Variants in GCDH observed in about 807,000 individuals in gnomAD.
The protein encoded by GCDH is glutaryl-CoA dehydrogenase, also known as glutaryl-CoA dehydrogenase, mitochondrial.
In GCDH, 31 loss-of-function variants were observed where a neutral mutation model predicts 52.8. That is an observed-to-expected ratio of 0.59 (90% CI 0.44 to 0.79). GCDH has a LOEUF of 0.79. Ranked by LOEUF, GCDH falls within the 30% of genes least tolerant of loss-of-function variation. The pLI, the probability that GCDH is intolerant of heterozygous loss-of-function variation, is 0.00. For synonymous variants in GCDH, 242 were observed against 250.0 expected, an observed-to-expected ratio of 0.97 and a Z score of 0.30; for missense variants, 509 against 595.0, an observed-to-expected ratio of 0.86 and a Z score of 1.50.
rs2145951607 is a variant in GCDH at position 12,896,403 on chromosome 19, T to C, written c.834T>C (p.Pro278=). The C allele has an allele frequency of 6.2e-7, 1 of 1,613,594 alleles. No individual in the cohort carries two copies. The highest frequency in any genetic ancestry group is 8.5e-7 in the Non-Finnish European group (1 of 1,179,826). Residue 278 remains proline (P), a synonymous_variant, in exon 8 of 12, where the codon CCT becomes CCC. Coordinates refer to ENST00000222214, the MANE Select transcript of GCDH (RefSeq NM_000159.4). The surrounding 1 kb of genome is among the most constrained non-coding windows in gnomAD (Gnocchi z 5.5). ...GVEVPEENVL[P]GASSLGGPFG... ...AGGTGCCAGAGGAGAATGTGCTCCC[T>C]GGTGCATCCAGCCTGGGGGTAAGTG... is the stretch of plus-strand genomic sequence containing the variant.
rs148091111 is a variant in GCDH, at chr19:12,899,490, G to A, written c.1266G>A (p.Leu422=). Residue 422 remains leucine, a synonymous_variant, in exon 12 of 12, where the codon CTG becomes CTA. Coordinates refer to ENST00000222214, the MANE Select transcript of GCDH (RefSeq NM_000159.4). ...TYEGTHDIHA[L]ILGRAITGIQ... is the part of the protein sequence containing the mutation. The stretch of plus-strand genomic sequence containing the variant: ...CAGGTACACATGACATTCACGCCCT[G>A]ATCCTTGGGAGAGCTATCACGGGAA... The A allele has an allele frequency of 2.5e-6, 4 of 1,614,080 alleles. No homozygotes were observed. The highest frequency in any genetic ancestry group is 1.3e-5 in the African/African-American group (1 of 74,924).
Position 12,892,312 on chromosome 19 carries a change from A to C in GCDH, c.334+134A>C, listed in dbSNP as rs576436462. ...TTTCTTTCCTTTCTTCTTCCCCCCC[A>C]ACAGAGTCTGGCTCTGTTGCCCAGG... On this transcript the variant is annotated intron_variant, in intron 5 of 11. Coordinates refer to ENST00000222214, the MANE Select transcript of GCDH (RefSeq NM_000159.4). 1.8e-4 allele frequency: 151 copies of C among 827,786 alleles called. No homozygotes were observed. The highest frequency in any genetic ancestry group is 6.3e-4 in the Middle Eastern group (2 of 3,200). The allele number at this position is 827,786 out of a possible 1,614,324, so 51.3% of individuals were successfully genotyped here.
At chr19:12,893,069 T>C (rs1433053493) in intron 5 of GCDH, among the ~76,000 whole-genome samples, 2 of 151,688 alleles carry the variant, frequency 1.3e-5, no homozygotes, top group East Asian at 3.9e-4. Context: ...TATTTTTTAG[T>C]AGAAATGGGA....
At chr19:12,899,314 A>G in intron 11 of GCDH, 154 bp from the exon 12 acceptor site, 1 of 1,599,928 alleles carries the variant, frequency 6.3e-7, no homozygotes, top group Non-Finnish European at 8.6e-7. Flanking sequence ...GGAGACTGTC[A>G]CTAAGGCGTG....
rs770537412 is a variant in GCDH at position 12,891,912 on chromosome 19, C to A, written c.209C>A (p.Thr70Asn). 63 of 1,614,190 alleles carry A rather than the reference C, an allele frequency of 3.9e-5. 1 individual carries two copies. In the South Asian group the frequency reaches 5.3e-4, roughly 14 times the overall value. The stretch of plus-strand genomic sequence containing the variant: ...ACAGATGAGATCCTCATCAGGGACA[C>A]CTTCCGCACCTACTGCCAGGAGAGA... ...LTTDEILIRD[T>N]FRTYCQERLM... The change falls in exon 4 of 12, where the codon ACC becomes AAC. Residue 70 changes from threonine to asparagine, a missense_variant. Physicochemically the swap from Thr to Asn is moderately conservative, Grantham distance 65. Transcript: ENST00000222214.
intron 4 of GCDH, 22 bp downstream of exon 4, chr19:12,891,996 C>G (rs748135267): frequency 6.2e-7 from 1 of 1,614,238 alleles, no homozygotes; most frequent in Admixed American, 1.7e-5. Flanking sequence ...GGTGGGTGCC[C>G]TGAGACTGCT....
At position 12,899,828 on chromosome 19, in the gene GCDH, T is replaced by A; in HGVS notation, c.*287T>A. On this transcript the variant is annotated 3_prime_UTR_variant, in exon 12 of 12. Transcript: ENST00000222214. ...AGCTTCTCTTGAGAGGAGAGTGACATGGAAGCAACTCCGTCTGCTGCAGCT... is the reference window on the plus strand; with the variant it reads ...AGCTTCTCTTGAGAGGAGAGTGACAAGGAAGCAACTCCGTCTGCTGCAGCT... 6.3e-7 allele frequency: 1 copy of A among 1,576,086 alleles called. No homozygotes were observed.
Position 12,899,736 on chromosome 19 carries a change from C to T in GCDH, c.*195C>T. The T allele has an allele frequency of 6.2e-7, 1 of 1,611,752 alleles. No individual in the cohort carries two copies. Among genetic ancestry groups the T allele is most frequent in the Non-Finnish European group, 8.5e-7 (1 of 1,178,784 alleles). On this transcript the variant is annotated 3_prime_UTR_variant, in exon 12 of 12. Coordinates refer to ENST00000222214, the MANE Select transcript of GCDH (RefSeq NM_000159.4). The stretch of plus-strand genomic sequence containing the variant: ...TGTTCCTTAAAAAGAAGATGGAATT[C>T]TCTGTAGAGCGTCTCAATCCACTTT...
intron 5 of GCDH, among the ~76,000 whole-genome samples, chr19:12,892,762 T>C (rs1970589218): frequency 6.6e-6 from 1 of 151,888 alleles, no homozygotes; most frequent in Non-Finnish European, 1.5e-5. Flanking sequence ...TTTGTATTTT[T>C]AGTAGAGGTG....
rs1970675873 is a variant in GCDH at position 12,896,252 on chromosome 19, G to T, written c.683G>T (p.Cys228Phe). 6.2e-7 allele frequency: 1 copy of T among 1,612,622 alleles called. No homozygotes were observed. Among genetic ancestry groups the T allele is most frequent in the Admixed American group, 1.7e-5 (1 of 59,896 alleles). ...GATCTGTTTGTAGTGTGGGCTCGGTGTGAAGATGGCTGCATTCGGGGCTTC... is the reference window on the plus strand; with the variant it reads ...GATCTGTTTGTAGTGTGGGCTCGGTTTGAAGATGGCTGCATTCGGGGCTTC... ...MADLFVVWAR[C>F]EDGCIRGFLL... The change falls in exon 8 of 12, where the codon TGT (cysteine) becomes TTT (phenylalanine). Residue 228 changes from cysteine to phenylalanine, a missense_variant. By Grantham distance (205) the Cys-to-Phe change is radical (BLOSUM62 -2). Transcript: ENST00000222214. The surrounding 1 kb of genome is among the most constrained non-coding windows in gnomAD (Gnocchi z 5.5).
At position 12,891,400 on chromosome 19, in the gene GCDH, G is replaced by A. The variant is rs952356983; in HGVS notation, c.91+5G>A. The A allele has an allele frequency of 6.2e-7, 1 of 1,614,212 alleles. No homozygotes were observed. Among genetic ancestry groups the A allele is most frequent in the Admixed American group, 1.7e-5 (1 of 60,028 alleles). ...TCTCGTCGGCGGCGCAGACCGGTCA[G>A]TGTGGGGTCGGGAGTGTGGAGGGAA... On this transcript the variant is annotated splice_donor_5th_base_variant and intron_variant, in intron 2 of 11. Transcript: ENST00000222214.
chr19:12,891,465 C>T (rs769128625), intron 2 of GCDH, 22 bp from the exon 3 acceptor site: 1 of 1,614,196 alleles, frequency 6.2e-7, no homozygotes, highest in South Asian at 1.1e-5. Context: ...TCCGGGGTGA[C>T]TTTCCCGTTC....
In GCDH at chr19:12,892,140, A is replaced by G. The variant is rs1294124984; in HGVS notation, c.296A>G (p.Glu99Gly). The G allele has an allele frequency of 6.2e-7, 1 of 1,614,142 alleles. No individual in the cohort carries two copies. The highest frequency in any genetic ancestry group is 1.1e-5 in the South Asian group (1 of 91,082). ...GTTTTTCATCGGGAGATCATTTCGG[A>G]GATGGGGGAGTTGGGTGTGCTGGGC... ...NEVFHREIIS[E>G]MGELGVLGPT... Residue 99 changes from glutamate (E) to glycine (G), a missense_variant, in exon 5 of 12, where the codon GAG (glutamate) becomes GGG (glycine). By Grantham distance (98) the Glu-to-Gly change is moderately conservative. Transcript: ENST00000222214.
At chr19:12,891,603 C>T (rs888068604) in intron 3 of GCDH, 81 bp downstream of exon 3, 2 of 1,612,824 alleles carry the variant, frequency 1.2e-6, no homozygotes, top group Admixed American at 1.7e-5. Context: ...GTCCCAGAAT[C>T]CGAGAGCTGC....
At position 12,899,729 on chromosome 19, in the gene GCDH, T is replaced by C. The variant is rs1224988987; in HGVS notation, c.*188T>C. ...TCAGATGTGTTCCTTAAAAAGAAGA[T>C]GGAATTCTCTGTAGAGCGTCTCAAT... On this transcript the variant is annotated 3_prime_UTR_variant, in exon 12 of 12. Coordinates refer to ENST00000222214, the MANE Select transcript of GCDH (RefSeq NM_000159.4). 1.9e-6 allele frequency: 3 copies of C among 1,612,190 alleles called. No homozygotes were observed. The highest frequency in any genetic ancestry group is 1.7e-4 in the Middle Eastern group (1 of 6,052).
At position 12,899,558 on chromosome 19, in the gene GCDH, C is replaced by A. The variant is rs899272832; in HGVS notation, c.*17C>A. The A allele has an allele frequency of 3.7e-6, 6 of 1,614,100 alleles. No homozygotes were observed. On this transcript the variant is annotated 3_prime_UTR_variant, in exon 12 of 12. Coordinates refer to ENST00000222214, the MANE Select transcript of GCDH (RefSeq NM_000159.4). Reference sequence around the variant, plus strand: ...AGCAAGTGAGCCGCTCCATCAGGGGCCCGAAACTCTCAAGCCCCTTTCTGG... The same window carrying A: ...AGCAAGTGAGCCGCTCCATCAGGGGACCGAAACTCTCAAGCCCCTTTCTGG...
In GCDH at chr19:12,899,724, G is replaced by C; in HGVS notation, c.*183G>C. 1 of 1,612,348 alleles carries C rather than the reference G, an allele frequency of 6.2e-7. No individual in the cohort carries two copies. The highest frequency in any genetic ancestry group is 8.5e-7 in the Non-Finnish European group (1 of 1,179,308). ...GTCGTTCAGATGTGTTCCTTAAAAA[G>C]AAGATGGAATTCTCTGTAGAGCGTC... On this transcript the variant is annotated 3_prime_UTR_variant, in exon 12 of 12. Transcript: ENST00000222214.
intron 6 of GCDH, among the ~76,000 whole-genome samples, chr19:12,895,715 G>A (rs1223558466): frequency 6.6e-6 from 1 of 151,226 alleles, no homozygotes; most frequent in Non-Finnish European, 1.5e-5. Context: ...GGGTTCAAGC[G>A]ATTCTCCTGC....
chr19:12,897,575 G>A lies in GCDH; in HGVS notation c.1083-128G>A, dbSNP rs187710069. ...TCTTGTCCTTGATGGGCTGGGCTGA[G>A]GACAGCCCCACTGGTCCCTCATTGG... On this transcript the variant is annotated intron_variant, in intron 10 of 11. Transcript: ENST00000222214. 224 of 1,432,288 alleles carry A rather than the reference G, an allele frequency of 1.6e-4. 1 individual carries two copies. The African/African-American group carries it at 2.8e-3, about 18-fold the overall frequency. 88.7% of individuals were successfully genotyped at this position (1,432,288 alleles called of 1,614,324 possible).
Sources: allele counts gnomAD v4.1 joint callset (sites outside exome capture counted in the v4.1 genomes callset), GRCh38; gene constraint gnomAD v4.1.1; non-coding constraint Gnocchi (gnomAD v3.1); transcripts MANE v1.5; gene names NCBI Gene and HGNC (gene_info 2026-07-23, HGNC 2026-07-21).